RAB11FIP3: variants seen among roughly 807,000 people sequenced by gnomAD.
RAB11FIP3 encodes the protein rab11 family-interacting protein 3.
In RAB11FIP3, 17 loss-of-function variants were observed where a neutral mutation model predicts 77.8. The observed-to-expected ratio is 0.22, with a 90% CI of 0.15 to 0.33. The LOEUF (loss-of-function observed/expected upper bound fraction) is 0.33, where lower values mean the gene tolerates loss of function less well. RAB11FIP3 is among the 10% of genes least tolerant of loss of function. The pLI, the probability that RAB11FIP3 is intolerant of heterozygous loss-of-function variation, is 1.00. For synonymous variants in RAB11FIP3, 437 were observed against 448.2 expected, an observed-to-expected ratio of 0.98 and a Z score of 0.31; for missense variants, 1,005 against 1,011.2, an observed-to-expected ratio of 0.99 and a Z score of 0.08.
intron 10 of RAB11FIP3, chr16:519,236 A>G (rs1180469710): frequency 8.7e-6 from 5 of 572,828 alleles, no homozygotes; most frequent in Non-Finnish European, 1.5e-5. Context: ...AGATGGACCC[A>G]GGGCTCTGAA....
chr16:518,034 A>G (rs1157227845), intron 9 of RAB11FIP3, among the ~76,000 whole-genome samples: 1 of 152,190 alleles, frequency 6.6e-6, no homozygotes, highest in East Asian at 1.9e-4. Context: ...GTGAGCCGAG[A>G]TGGTGCCACT....
chr16:487,102 A>G (rs1385809127), intron 4 of RAB11FIP3, among the ~76,000 whole-genome samples: 1 of 150,478 alleles, frequency 6.6e-6, no homozygotes, highest in Non-Finnish European at 1.5e-5. Flanking sequence ...GGAGGCCATG[A>G]AGTGGCACAG....
chr16:491,418 C>T, intron 5 of RAB11FIP3: 1 of 772,868 alleles, frequency 1.3e-6, no homozygotes, highest in Admixed American at 3.5e-5. Flanking sequence ...ACCCTGCACG[C>T]TGTGGGGCCA....
intron 3 of RAB11FIP3, among the ~76,000 whole-genome samples, chr16:478,192 CTTCT>C (rs2055960186): frequency 1.4e-5 from 2 of 148,012 alleles, no homozygotes; most frequent in Non-Finnish European, 3.0e-5. Context: ...ACACTGTCTA[CTTCT>C]TTTTTTTTTT....
chr16:519,826 A>G lies in RAB11FIP3; in HGVS notation c.1795A>G (p.Arg599Gly). Residue 599 changes from arginine (R) to glycine (G), a missense_variant, in exon 11 of 14, where the codon AGA becomes GGA. Physicochemically the swap from Arg to Gly is moderately radical, Grantham distance 125. Around this residue, in one of 4 missense-constraint regions of RAB11FIP3, gnomAD observed 433 missense variants for 436.1 expected, o/e 0.99. Transcript: ENST00000262305. Reference protein sequence around the residue: ...RLSEEQENKRRMGDRLSHERH... With the variant: ...RLSEEQENKRGMGDRLSHERH... ...CAGTGAAGAGCAGGAGAACAAGAGG[A>G]GAATGGGGGACAGGCTGAGTCACGA... The G allele has an allele frequency of 1.9e-6, 3 of 1,605,326 alleles. No individual in the cohort carries two copies. The highest frequency in any genetic ancestry group is 4.5e-5 in the East Asian group (2 of 44,536).
chr16:485,839 T>G (rs2056143759), intron 4 of RAB11FIP3, among the ~76,000 whole-genome samples: 1 of 152,264 alleles, frequency 6.6e-6, no homozygotes. Flanking sequence ...ACTTACGCTT[T>G]CTTTTAAAAG....
At chr16:483,879 G>A (rs892028204) in intron 4 of RAB11FIP3, among the ~76,000 whole-genome samples, 11 of 152,018 alleles carry the variant, frequency 7.2e-5, no homozygotes, top group Non-Finnish European at 1.3e-4. Context: ...CTTCGCATCT[G>A]CTTTGACCTG....
rs117102702 is a variant in RAB11FIP3, at chr16:496,439, G to A, written c.1266-385G>A. On this transcript the variant is annotated intron_variant, in intron 5 of 13. Transcript: ENST00000262305. The stretch of plus-strand genomic sequence containing the variant: ...CAGCGGCAAACTCTCCTGTCACAGC[G>A]GGGCCTGGGTCACTTTTCACTTGGG... Among the ~76,000 whole-genome samples, 76 of 152,346 alleles carry A rather than the reference G, an allele frequency of 5.0e-4. No homozygotes were observed. The East Asian group carries it at 9.4e-3, about 19-fold the overall frequency.
At position 433,028 on chromosome 16, in the gene RAB11FIP3, C is replaced by CTTTTTT. The variant is rs920883186; in HGVS notation, c.714+6326_714+6331dup. ...GGGTGTCTGTCACCTCCATATTTAT[C>CTTTTTT]TTTTTTTTTTTTTTTTTTTTTTTGA... On this transcript the variant is annotated intron_variant, in intron 1 of 13. Coordinates refer to ENST00000262305, the MANE Select transcript of RAB11FIP3 (RefSeq NM_014700.4). Among the ~76,000 whole-genome samples, 69 of 40,864 alleles carry CTTTTTT rather than the reference C, an allele frequency of 1.7e-3. 3 individuals carry two copies. The highest frequency in any genetic ancestry group is 6.7e-3 in the African/African-American group (64 of 9,610). The allele number at this position is 40,864 out of a possible 152,430, so 26.8% of individuals were successfully genotyped here. A position where few individuals can be genotyped will look rare whatever the true frequency, so the allele number is the denominator to read the frequency against.
At chr16:512,219 A>G (rs1199506792) in intron 9 of RAB11FIP3, among the ~76,000 whole-genome samples, 1 of 151,976 alleles carries the variant, frequency 6.6e-6, no homozygotes, top group Non-Finnish European at 1.5e-5. Flanking sequence ...GTCTTTTTAA[A>G]ATACCAATCT....
intron 9 of RAB11FIP3, among the ~76,000 whole-genome samples, chr16:518,237 C>G (rs576813082): frequency 4.4e-4 from 67 of 152,314 alleles, no homozygotes; most frequent in African/African-American, 1.3e-3. Context: ...TGCCACTATG[C>G]TCGGCTAATT....
intron 1 of RAB11FIP3, among the ~76,000 whole-genome samples, chr16:458,157 A>T (rs1409524263): frequency 6.6e-6 from 1 of 152,254 alleles, no homozygotes; most frequent in African/African-American, 2.4e-5. Context: ...ATGTTGGCTG[A>T]CAGTGGCGAG....
At chr16:469,496 G>C (rs1425834006) in intron 2 of RAB11FIP3, among the ~76,000 whole-genome samples, 1 of 152,198 alleles carries the variant, frequency 6.6e-6, no homozygotes, top group East Asian at 1.9e-4. Context: ...CCAGGCTCAA[G>C]TGATTCTTGT....
At chr16:432,605 T>TG (rs1422991233) in intron 1 of RAB11FIP3, among the ~76,000 whole-genome samples, 4 of 123,840 alleles carry the variant, frequency 3.2e-5, no homozygotes, top group Non-Finnish European at 7.0e-5. Flanking sequence ...TTTTTTTTTG[T>TG]GTGTGTGTGT....
At chr16:474,301 G>A (rs1183361609) in intron 3 of RAB11FIP3, among the ~76,000 whole-genome samples, 3 of 152,124 alleles carry the variant, frequency 2.0e-5, no homozygotes, top group Non-Finnish European at 4.4e-5. Flanking sequence ...TGGGAGCATC[G>A]CAGTGCTCAC....
rs2055595962 is a variant in RAB11FIP3 at position 461,023 on chromosome 16, C to T, written c.715-381C>T. 6.6e-6 allele frequency among the ~76,000 whole-genome samples: 1 copy of T among 152,208 alleles called. No homozygotes were observed. Among genetic ancestry groups the T allele is most frequent in the South Asian group, 2.1e-4 (1 of 4,834 alleles). On this transcript the variant is annotated intron_variant, in intron 1 of 13. Transcript: ENST00000262305. This position sits in a 1 kb window ranked among gnomAD's most constrained non-coding sequence, Gnocchi z 4.5. ...CCAAGCTCGCGATACAGCCTAATCC[C>T]GATTCCCTAAAGCGGCCCGCAGCCT...
chr16:503,606 G>T (rs978447416), intron 7 of RAB11FIP3, among the ~76,000 whole-genome samples: 2 of 152,114 alleles, frequency 1.3e-5, no homozygotes, highest in Non-Finnish European at 2.9e-5. Context: ...TCAGCCAGAT[G>T]TGGTGGCTCA....
chr16:456,063 C>T (rs1010556865), intron 1 of RAB11FIP3, among the ~76,000 whole-genome samples: 5 of 151,742 alleles, frequency 3.3e-5, no homozygotes, highest in Admixed American at 3.3e-4. Context: ...CACGGTGGCT[C>T]GCTCACACCT....
chr16:490,869 T>C (rs1025486313), intron 5 of RAB11FIP3, among the ~76,000 whole-genome samples: 4 of 152,182 alleles, frequency 2.6e-5, no homozygotes, highest in South Asian at 2.1e-4. Flanking sequence ...TGCTTTCTTC[T>C]GGGCACCCGA....
Sources: allele counts gnomAD v4.1 joint callset (sites outside exome capture counted in the v4.1 genomes callset), GRCh38; gene constraint gnomAD v4.1.1; regional missense constraint gnomAD v4.1.1; non-coding constraint Gnocchi (gnomAD v3.1); transcripts MANE v1.5; gene names NCBI Gene and HGNC (gene_info 2026-07-23, HGNC 2026-07-21).